Variants in SLC4A7 observed in about 807,000 individuals in gnomAD.
SLC4A7 encodes sodium bicarbonate cotransporter 3.
SLC4A7 carries 51 observed loss-of-function variants against 137.6 expected under a neutral mutation model. The observed-to-expected ratio is 0.37, with a 90% confidence interval of 0.30 to 0.47. SLC4A7 has a LOEUF of 0.47. Ranked by LOEUF, SLC4A7 falls within the 20% of genes least tolerant of loss-of-function variation. The pLI is 1.00. For missense variants in SLC4A7, 1,247 were observed against 1,525.4 expected, an observed-to-expected ratio of 0.82 and a Z score of 3.04; for synonymous variants, 542 against 518.6, an observed-to-expected ratio of 1.05 and a Z score of -0.61.
Position 27,448,674 on chromosome 3 carries a change from T to A in SLC4A7, c.266A>T (p.Asp89Val). 1 of 1,612,800 alleles carries A rather than the reference T, an allele frequency of 6.2e-7. No individual in the cohort carries two copies. Among genetic ancestry groups the A allele is most frequent in the Non-Finnish European group, 8.5e-7 (1 of 1,179,344 alleles). The change falls in exon 3 of 26, where the codon GAT becomes GTT. Residue 89 changes from aspartate to valine, a missense_variant. Asp to Val is a radical substitution (Grantham distance 152). This residue lies in a region of SLC4A7 where 176 missense variants were observed against 186.4 expected (regional missense o/e 0.94). Coordinates refer to ENST00000454389, the MANE Select transcript of SLC4A7 (RefSeq NM_001321103.2). ...RRKDKESDKEDGRESPSYDTP... is the reference protein window; with the variant it reads ...RRKDKESDKEVGRESPSYDTP... ...ACCATAAGAAGGAGATTCCCGTCCATCTTCTTTATCTGATTCTTTATCTTT... is the reference window on the plus strand; with the variant it reads ...ACCATAAGAAGGAGATTCCCGTCCAACTTCTTTATCTGATTCTTTATCTTT...
At chr3:27,397,903 A>G (rs2052360515) in intron 17 of SLC4A7, 106 bp from the exon 18 acceptor site, 4 of 665,460 alleles carry the variant, frequency 6.0e-6, no homozygotes, top group Non-Finnish European at 1.0e-5. Flanking sequence ...GTACAAATGG[A>G]GCTTTTAACT....
At chr3:27,446,872 TTTGTTTTTTTTTGTTTTTTTTG>T (rs1264166847) in intron 3 of SLC4A7, among the ~76,000 whole-genome samples, 1 of 76,610 alleles carries the variant, frequency 1.3e-5, no homozygotes, top group Non-Finnish European at 2.9e-5. Flanking sequence ...AGAGTTTTTT[TTTGTTTTTTTTTGTTTTTTTTG>T]TTTTTTTTAA....
rs1467955138 is a variant in SLC4A7, at chr3:27,403,184, T to C, written c.2276A>G (p.Tyr759Cys). 4 of 1,613,320 alleles carry C rather than the reference T, an allele frequency of 2.5e-6. No homozygotes were observed. The highest frequency in any genetic ancestry group is 3.4e-6 in the Non-Finnish European group (4 of 1,179,618). ...LEKLFDLGETYAFNMHNNLDK... is the reference protein window; with the variant it reads ...LEKLFDLGETCAFNMHNNLDK... ...TAAGTTGTTGTGCATATTAAATGCA[T>C]ATGTTTCTCCTAAATCAAAGAGCTT... The change falls in exon 15 of 26, where the codon TAT becomes TGT. Residue 759 changes from tyrosine (Y) to cysteine (C), a missense_variant. Physicochemically the swap from Tyr to Cys is radical, Grantham distance 194. This residue lies in a region of SLC4A7 where 499 missense variants were observed against 664.2 expected (regional missense o/e 0.75). Transcript: ENST00000454389.
chr3:27,378,208 T>C (rs1029483344), intron 25 of SLC4A7, among the ~76,000 whole-genome samples: 1 of 151,962 alleles, frequency 6.6e-6, no homozygotes, highest in Non-Finnish European at 1.5e-5. Flanking sequence ...AAACATATGA[T>C]AGAGAGTAGG....
chr3:27,439,193 A>C (rs892451523), intron 3 of SLC4A7, among the ~76,000 whole-genome samples: 6 of 152,234 alleles, frequency 3.9e-5, no homozygotes, highest in Admixed American at 2.6e-4. Flanking sequence ...CGTAAAAGTC[A>C]GATCTGAGAA....
At chr3:27,478,409 C>G (rs2059558133) in intron 1 of SLC4A7, among the ~76,000 whole-genome samples, 2 of 149,522 alleles carry the variant, frequency 1.3e-5, no homozygotes, top group South Asian at 4.2e-4. Flanking sequence ...TTCCATCTAC[C>G]TGGGAGGCTG....
chr3:27,415,214 G>T (rs1020692881), intron 11 of SLC4A7, among the ~76,000 whole-genome samples: 1 of 152,154 alleles, frequency 6.6e-6, no homozygotes, highest in African/African-American at 2.4e-5. Context: ...CAGATGCATT[G>T]TCTAATATCA....
chr3:27,431,499 T>G lies in SLC4A7; in HGVS notation c.949A>C (p.Asn317His). The change falls in exon 7 of 26, where the codon AAC (asparagine) becomes CAC (histidine). Residue 317 changes from asparagine (N) to histidine (H), a missense_variant. Coordinates refer to ENST00000454389, the MANE Select transcript of SLC4A7 (RefSeq NM_001321103.2). ...ATGCTAGGGCTAGAAGGAGGACTGT[T>G]TTGAGGGGTGGGTACTGGGGTTGTA... ...RCTTPVPTPQ[N>H]SPPSSPSISR... 1 of 1,614,016 alleles carries G rather than the reference T, an allele frequency of 6.2e-7. No individual in the cohort carries two copies. Among genetic ancestry groups the G allele is most frequent in the African/African-American group, 1.3e-5 (1 of 75,010 alleles).
At chr3:27,396,690 G>A (rs36101969) in intron 18 of SLC4A7, among the ~76,000 whole-genome samples, 27,305 of 151,566 alleles carry the variant, frequency 0.18, 2,868 homozygotes, top group Non-Finnish European at 0.25. Context: ...TCCTTATTTC[G>A]GATCCCCTTT....
chr3:27,448,105 G>A (rs777310400), intron 3 of SLC4A7, among the ~76,000 whole-genome samples: 27 of 151,560 alleles, frequency 1.8e-4, no homozygotes, highest in Non-Finnish European at 3.8e-4. Context: ...TCAGCTACTT[G>A]GGAGGCTGAG....
chr3:27,452,560 C>T, intron 1 of SLC4A7, 62 bp from the exon 2 acceptor site: 1 of 1,071,644 alleles, frequency 9.3e-7, no homozygotes, highest in Non-Finnish European at 1.3e-6. Context: ...CTATTATATG[C>T]ATCCTTTGAA....
intron 1 of SLC4A7, among the ~76,000 whole-genome samples, chr3:27,459,823 G>C: frequency 6.6e-6 from 1 of 151,858 alleles, no homozygotes. Context: ...CTCTTTAGTT[G>C]CTAGAGTTGC....
At chr3:27,411,215 C>A (rs996676550) in intron 12 of SLC4A7, among the ~76,000 whole-genome samples, 2 of 152,040 alleles carry the variant, frequency 1.3e-5, no homozygotes, top group African/African-American at 4.8e-5. Flanking sequence ...GGAAGATTAC[C>A]TCATGATATA....
In SLC4A7 at chr3:27,394,619, C is replaced by G; in HGVS notation, c.3016G>C (p.Gly1006Arg). The G allele has an allele frequency of 6.2e-7, 1 of 1,614,146 alleles. No homozygotes were observed. Among genetic ancestry groups the G allele is most frequent in the Non-Finnish European group, 8.5e-7 (1 of 1,180,030 alleles). Residue 1006 changes from glycine (G) to arginine (R), a missense_variant, in exon 20 of 26, where the codon GGG (glycine) becomes CGG (arginine). This residue lies in a region of SLC4A7 where 290 missense variants were observed against 323.8 expected (regional missense o/e 0.90). Coordinates refer to ENST00000454389, the MANE Select transcript of SLC4A7 (RefSeq NM_001321103.2). ...ATTCCCAAAAACTTGGGTTGTTCCC[C>G]TGGAGCAGAACATTCAGATTCAACT... ...LKVESECSAP[G>R]EQPKFLGIRE... is the part of the protein sequence containing the mutation.
intron 24 of SLC4A7, among the ~76,000 whole-genome samples, chr3:27,380,471 G>C (rs1282715216): frequency 1.3e-5 from 2 of 152,066 alleles, no homozygotes; most frequent in East Asian, 3.9e-4. Context: ...ATAAGTAATA[G>C]GAAAGTATCA....
chr3:27,459,663 C>T (rs1325636825), intron 1 of SLC4A7, among the ~76,000 whole-genome samples: 1 of 151,972 alleles, frequency 6.6e-6, no homozygotes, highest in Non-Finnish European at 1.5e-5. Flanking sequence ...TTGCTTTTTT[C>T]ACTTAAACTA....
intron 16 of SLC4A7, among the ~76,000 whole-genome samples, chr3:27,399,004 TA>T (rs1184851554): frequency 6.8e-6 from 1 of 146,386 alleles, no homozygotes; most frequent in East Asian, 2.0e-4. Context: ...CATTTTCCTT[TA>T]GGGAAAAAAA....
chr3:27,395,176 A>C, intron 18 of SLC4A7, 61 bp from the exon 19 acceptor site: 7 of 1,242,228 alleles, frequency 5.6e-6, no homozygotes, highest in Non-Finnish European at 7.8e-6. Context: ...CTAAATTTCC[A>C]TAACATAGAC....
intron 11 of SLC4A7, among the ~76,000 whole-genome samples, chr3:27,412,293 C>T (rs565481073): frequency 6.6e-6 from 1 of 152,236 alleles, no homozygotes; most frequent in Non-Finnish European, 1.5e-5. Flanking sequence ...GGATTTCTCC[C>T]CCTCTGTTAA....
Sources: gnomAD v4.1 joint callset for allele counts (sites outside exome capture counted in the v4.1 genomes callset) on GRCh38, gnomAD v4.1.1 for gene constraint, gnomAD v4.1.1 regional missense constraint, MANE v1.5 for transcripts, NCBI Gene and HGNC (gene_info 2026-07-23, HGNC 2026-07-21) for gene names.